DLG2: variants seen among roughly 807,000 people sequenced by gnomAD.
The protein encoded by DLG2 is disks large homolog 2.
Under a neutral mutation model 132.5 loss-of-function variants are expected in DLG2, and 45 were observed. That is an observed-to-expected ratio of 0.34 (90% CI 0.27 to 0.44). The LOEUF (loss-of-function observed/expected upper bound fraction) is 0.44. Among genes scored for constraint, DLG2 ranks in the 20% least tolerant of loss-of-function variants. The pLI is 1.00. For synonymous variants in DLG2, 424 were observed against 419.6 expected, an observed-to-expected ratio of 1.01 and a Z score of -0.13; for missense variants, 1,045 against 1,196.9, an observed-to-expected ratio of 0.87 and a Z score of 1.87.
At chr11:84,888,946 G>T (rs1456777003) in intron 6 of DLG2, among the ~76,000 whole-genome samples, 2 of 152,090 alleles carry the variant, frequency 1.3e-5, no homozygotes, top group South Asian at 2.1e-4. Context: ...GTAGATCTGG[G>T]TTTATTATGA....
chr11:83,810,385 T>C (rs1484963706), intron 17 of DLG2, among the ~76,000 whole-genome samples: 1 of 152,092 alleles, frequency 6.6e-6, no homozygotes, highest in African/African-American at 2.4e-5. Context: ...ATATATGCTG[T>C]GTATAAAAAT....
chr11:85,491,387 T>C lies in DLG2; in HGVS notation c.40+107270A>G, dbSNP rs180814842. Among the ~76,000 whole-genome samples, 441 of 152,242 alleles carry C rather than the reference T, an allele frequency of 2.9e-3. 4 individuals are homozygous for C. The highest frequency in any genetic ancestry group is 0.01 in the African/African-American group (424 of 41,572). On this transcript the variant is annotated intron_variant, in intron 3 of 27. Coordinates refer to ENST00000376104, the MANE Select transcript of DLG2 (RefSeq NM_001142699.3). ...ACAAGGATGACCACTTTCACTCCTGTTCTTCAACATAGTACTGGAAGTTCT... is the reference window on the plus strand; with the variant it reads ...ACAAGGATGACCACTTTCACTCCTGCTCTTCAACATAGTACTGGAAGTTCT...
chr11:83,498,370 G>A (rs1397312950), intron 21 of DLG2, among the ~76,000 whole-genome samples: 1 of 151,894 alleles, frequency 6.6e-6, no homozygotes, highest in African/African-American at 2.4e-5. Flanking sequence ...ATATAACAAT[G>A]AAATGAAATT....
chr11:85,164,219 C>A (rs1474684359), intron 4 of DLG2, among the ~76,000 whole-genome samples: 1 of 152,052 alleles, frequency 6.6e-6, no homozygotes, highest in Non-Finnish European at 1.5e-5. Flanking sequence ...AAATTTCCTA[C>A]ATAAAAGGGG....
intron 3 of DLG2, among the ~76,000 whole-genome samples, chr11:85,489,170 T>C (rs1160097850): frequency 6.6e-6 from 1 of 152,090 alleles, no homozygotes; most frequent in East Asian, 1.9e-4. Context: ...ATACTGCTTA[T>C]AATAACCCAA....
At chr11:85,084,861 A>G (rs898798273) in intron 6 of DLG2, among the ~76,000 whole-genome samples, 1 of 152,188 alleles carries the variant, frequency 6.6e-6, no homozygotes, top group Non-Finnish European at 1.5e-5. Context: ...TGAGCAAAAC[A>G]CATTTTCATT....
At chr11:84,104,521 C>T (rs982148983) in intron 9 of DLG2, among the ~76,000 whole-genome samples, 4 of 151,964 alleles carry the variant, frequency 2.6e-5, no homozygotes, top group African/African-American at 9.7e-5. Flanking sequence ...AACCTCAGCA[C>T]CACATGATAT....
intron 6 of DLG2, among the ~76,000 whole-genome samples, chr11:84,585,013 T>C (rs1044968259): frequency 4.6e-5 from 7 of 152,078 alleles, no homozygotes; most frequent in African/African-American, 1.7e-4. Context: ...TGTAGTTGAG[T>C]TCAACATCTT....
At chr11:84,075,822 GT>G (rs768609994) in intron 10 of DLG2, among the ~76,000 whole-genome samples, 42 of 152,206 alleles carry the variant, frequency 2.8e-4, no homozygotes, top group Non-Finnish European at 5.1e-4. Flanking sequence ...AAATTAATTT[GT>G]GATGAAAAAC....
At chr11:83,680,977 T>C (rs1466276594) in intron 18 of DLG2, among the ~76,000 whole-genome samples, 2 of 152,098 alleles carry the variant, frequency 1.3e-5, no homozygotes, top group Non-Finnish European at 2.9e-5. Context: ...ATTCTACATG[T>C]AAAGAGAAAT....
At chr11:84,875,611 T>G (rs546058709) in intron 6 of DLG2, among the ~76,000 whole-genome samples, 3 of 152,264 alleles carry the variant, frequency 2.0e-5, no homozygotes, top group African/African-American at 7.2e-5. Context: ...TCACTTTAGG[T>G]TTTTTGCCAT....
chr11:84,397,801 C>T (rs1255899726), intron 7 of DLG2, among the ~76,000 whole-genome samples: 3 of 152,214 alleles, frequency 2.0e-5, no homozygotes, highest in Admixed American at 6.5e-5. Flanking sequence ...TAATGTCATG[C>T]TGACATTTCC....
intron 7 of DLG2, among the ~76,000 whole-genome samples, chr11:84,267,809 A>G (rs2097662433): frequency 6.6e-6 from 1 of 152,016 alleles, no homozygotes; most frequent in Admixed American, 6.5e-5. Context: ...TTCTCCATGG[A>G]TATACTCAAT....
chr11:84,939,477 A>G lies in DLG2; in HGVS notation c.357+172184T>C, dbSNP rs540851016. 1.4e-4 allele frequency among the ~76,000 whole-genome samples: 22 copies of G among 152,240 alleles called. 1 individual carries two copies. Among genetic ancestry groups the G allele is most frequent in the African/African-American group, 5.3e-4 (22 of 41,532 alleles). ...TTGACTGCAATAATTCCATTGTGTTATCAAATACTAGATCTTATTCATTTT... is the reference window on the plus strand; with the variant it reads ...TTGACTGCAATAATTCCATTGTGTTGTCAAATACTAGATCTTATTCATTTT... On this transcript the variant is annotated intron_variant, in intron 6 of 27. Transcript: ENST00000376104.
chr11:83,749,916 G>A (rs2153733662), intron 18 of DLG2, among the ~76,000 whole-genome samples: 1 of 152,260 alleles, frequency 6.6e-6, no homozygotes, highest in East Asian at 1.9e-4. Flanking sequence ...TAAGAATTAT[G>A]CTGTTACTAA....
intron 17 of DLG2, among the ~76,000 whole-genome samples, chr11:83,803,419 A>C (rs900788514): frequency 1.3e-5 from 2 of 152,152 alleles, no homozygotes; most frequent in African/African-American, 2.4e-5. Flanking sequence ...AATCAGGCAT[A>C]GTGAAAAAAT....
intron 3 of DLG2, among the ~76,000 whole-genome samples, chr11:85,460,884 T>C (rs978637209): frequency 2.6e-5 from 4 of 152,234 alleles, no homozygotes; most frequent in African/African-American, 9.6e-5. Flanking sequence ...ATGATGCTGT[T>C]GGTTAGGTTT....
At chr11:84,706,135 T>G (rs1175315559) in intron 6 of DLG2, among the ~76,000 whole-genome samples, 1 of 151,838 alleles carries the variant, frequency 6.6e-6, no homozygotes, top group Non-Finnish European at 1.5e-5. Flanking sequence ...CCTTGATGGC[T>G]TCCCTCCTTG....
chr11:84,684,372 C>T (rs1010050851), intron 6 of DLG2, among the ~76,000 whole-genome samples: 9 of 152,174 alleles, frequency 5.9e-5, no homozygotes, highest in African/African-American at 1.9e-4. Flanking sequence ...CTTTATACAA[C>T]TTTCTTTTTC....
Sources: allele counts gnomAD v4.1 joint callset (sites outside exome capture counted in the v4.1 genomes callset), GRCh38; gene constraint gnomAD v4.1.1; transcripts MANE v1.5; gene names NCBI Gene and HGNC (gene_info 2026-07-23, HGNC 2026-07-21).